The following POLR2C variants were observed in gnomAD, a reference collection of about 807,000 sequenced individuals.
POLR2C encodes the protein RNA polymerase II subunit C.
A neutral mutation model predicts 41.7 loss-of-function variants in POLR2C; 36 were observed. That is an observed-to-expected ratio of 0.86 (90% CI 0.66 to 1.14). The LOEUF (loss-of-function observed/expected upper bound fraction) is 1.14. POLR2C is among the 50% of genes most tolerant of loss of function. The pLI, the probability that POLR2C is intolerant of heterozygous loss-of-function variation, is 0.00. For missense variants in POLR2C, 260 were observed against 350.4 expected (o/e 0.74, Z 2.06); for synonymous variants, 133 against 137.8 (o/e 0.96, Z 0.25).
intron 1 of POLR2C, 82 bp from the exon 2 acceptor site, chr16:57,462,947 C>T (rs1345801882): frequency 7.8e-7 from 1 of 1,274,720 alleles, no homozygotes; most frequent in African/African-American, 2.0e-5. Flanking sequence ...TGCACCAGGG[C>T]TTTAGCTTTG....
At chr16:57,465,408 C>T (rs933734095) in intron 2 of POLR2C, among the ~76,000 whole-genome samples, 9 of 152,218 alleles carry the variant, frequency 5.9e-5, no homozygotes, top group South Asian at 2.1e-4. Context: ...TACCCTCCTA[C>T]GAGCTCATTG....
At position 57,469,968 on chromosome 16, in the gene POLR2C, C is replaced by G; in HGVS notation, c.447C>G (p.Leu149=). 7 of 1,613,548 alleles carry G rather than the reference C, an allele frequency of 4.3e-6. No homozygotes were observed. The highest frequency in any genetic ancestry group is 5.9e-6 in the Non-Finnish European group (7 of 1,179,800). ...TTGTGCCTCTCCCTGCAGACATCCT[C>G]ATCGTCAAGTTGAGAAAGGGCCAGG... The part of the protein sequence containing the change: ...PNDYVEQDDI[L]IVKLRKGQEL... Residue 149 remains leucine (L), a synonymous_variant, in exon 7 of 9, where the codon CTC becomes CTG. Coordinates refer to ENST00000219252, the MANE Select transcript of POLR2C (RefSeq NM_032940.3). This position sits in a 1 kb window ranked among gnomAD's most constrained non-coding sequence, Gnocchi z 5.8.
At chr16:57,468,493 C>T (rs2030758504) in intron 4 of POLR2C, among the ~76,000 whole-genome samples, 1 of 152,174 alleles carries the variant, frequency 6.6e-6, no homozygotes, top group African/African-American at 2.4e-5. Context: ...GAACAGCTTG[C>T]TTGATTGCAT....
In POLR2C at chr16:57,469,498, G is replaced by A. The variant is rs2030778272; in HGVS notation, c.387+205G>A. 1.4e-6 allele frequency: 1 copy of A among 726,102 alleles called. No individual in the cohort carries two copies. The highest frequency in any genetic ancestry group is 2.4e-6 in the Non-Finnish European group (1 of 417,360). The allele number at this position is 726,102 out of a possible 1,614,324, so 45.0% of individuals were successfully genotyped here. ...GTGCTGCGCACCCTCTATCACCCAG[G>A]GACTCTTTTAAAGGCCATGGAATTG... On this transcript the variant is annotated intron_variant, in intron 5 of 8. Transcript: ENST00000219252. The surrounding 1 kb of genome is among the most constrained non-coding windows in gnomAD (Gnocchi z 5.8).
chr16:57,471,321 G>A lies in POLR2C; in HGVS notation c.*202G>A. 1 of 557,958 alleles carries A rather than the reference G, an allele frequency of 1.8e-6. No individual in the cohort carries two copies. Among genetic ancestry groups the A allele is most frequent in the Non-Finnish European group, 3.2e-6 (1 of 313,088 alleles). 34.6% of individuals were successfully genotyped at this position (557,958 alleles called of 1,614,324 possible). A position where few individuals can be genotyped will look rare whatever the true frequency, so the allele number is the denominator to read the frequency against. On this transcript the variant is annotated 3_prime_UTR_variant, in exon 9 of 9. Coordinates refer to ENST00000219252, the MANE Select transcript of POLR2C (RefSeq NM_032940.3). ...GTTTAGGCAGGATAGGTCTTTACTG[G>A]CCCTGACTGCTGTTAATAATTGGCA...
At chr16:57,465,416 T>C (rs1296432219) in intron 2 of POLR2C, among the ~76,000 whole-genome samples, 1 of 152,240 alleles carries the variant, frequency 6.6e-6, no homozygotes, top group African/African-American at 2.4e-5. Context: ...TACGAGCTCA[T>C]TGCTGCTAGG....
chr16:57,462,886 G>A, intron 1 of POLR2C, 76 bp downstream of exon 1: 2 of 1,253,122 alleles, frequency 1.6e-6, no homozygotes, highest in Admixed American at 4.0e-5. Context: ...GGCAGGGGGC[G>A]GGGGTGTAGT....
rs1399999873 is a variant in POLR2C, at chr16:57,471,801, C to T, written c.*682C>T. On this transcript the variant is annotated 3_prime_UTR_variant, in exon 9 of 9. Coordinates refer to ENST00000219252, the MANE Select transcript of POLR2C (RefSeq NM_032940.3). ...GGAGCAAGGGCCCCTCCCACATACA[C>T]AGGAGGAGTATTTCATTTCTCCTTA... is the stretch of plus-strand genomic sequence containing the variant. 6.6e-6 allele frequency: 1 copy of T among 152,172 alleles called. No homozygotes were observed. The highest frequency in any genetic ancestry group is 1.9e-4 in the East Asian group (1 of 5,196). 9.4% of individuals were successfully genotyped at this position (152,172 alleles called of 1,614,324 possible). A position where few individuals can be genotyped will look rare whatever the true frequency, so the allele number is the denominator to read the frequency against.
At chr16:57,463,953 T>C (rs529007544) in intron 2 of POLR2C, 1 of 164,978 alleles carries the variant, frequency 6.1e-6, no homozygotes, top group African/African-American at 2.4e-5. Flanking sequence ...CAAAAGAAAA[T>C]AAAAAAGAAG....
In POLR2C at chr16:57,469,370, G is replaced by A; in HGVS notation, c.387+77G>A. 1 of 1,506,884 alleles carries A rather than the reference G, an allele frequency of 6.6e-7. No individual in the cohort carries two copies. Among genetic ancestry groups the A allele is most frequent in the Non-Finnish European group, 9.2e-7 (1 of 1,083,536 alleles). 93.3% of individuals were successfully genotyped at this position (1,506,884 alleles called of 1,614,324 possible). ...CTGGCTCCAAGTGGGCCAGACTGGG[G>A]TTGATCCTTAGAAAATGTTGGCTTT... On this transcript the variant is annotated intron_variant, in intron 5 of 8. Transcript: ENST00000219252. This position sits in a 1 kb window ranked among gnomAD's most constrained non-coding sequence, Gnocchi z 5.8.
In POLR2C at chr16:57,466,084, C is replaced by T. The variant is rs1415695462; in HGVS notation, c.205+63C>T. On this transcript the variant is annotated intron_variant, in intron 3 of 8. Transcript: ENST00000219252. ...ATTGTGCCTAGTGTCAGGAGGGGGC[C>T]TCCTTCCAGCCTCACCCCCAGAAGG... 7 of 1,419,588 alleles carry T rather than the reference C, an allele frequency of 4.9e-6. No individual in the cohort carries two copies. In the South Asian group the frequency reaches 8.0e-5, roughly 16 times the overall value. The allele number at this position is 1,419,588 out of a possible 1,614,324, so 87.9% of individuals were successfully genotyped here.
intron 2 of POLR2C, among the ~76,000 whole-genome samples, chr16:57,464,439 A>G (rs1194989800): frequency 4.6e-5 from 7 of 152,180 alleles, no homozygotes; most frequent in Admixed American, 3.3e-4. Flanking sequence ...GGGAAGATCA[A>G]TTTCTGGTCT....
In POLR2C at chr16:57,469,856, A is replaced by G. The variant is rs1398496828; in HGVS notation, c.439+95A>G. On this transcript the variant is annotated intron_variant, in intron 6 of 8. Coordinates refer to ENST00000219252, the MANE Select transcript of POLR2C (RefSeq NM_032940.3). This position sits in a 1 kb window ranked among gnomAD's most constrained non-coding sequence, Gnocchi z 5.8. ...CCTGGTCTCCTCGAAAATTGGCTTT[A>G]GACCGTTTTTCCAGATGTGTGTGGT... The G allele has an allele frequency of 3.8e-6, 6 of 1,582,258 alleles. No individual in the cohort carries two copies. The highest frequency in any genetic ancestry group is 1.7e-4 in the Middle Eastern group (1 of 6,020).
Position 57,469,857 on chromosome 16 carries a change from G to T in POLR2C, c.439+96G>T. 1 of 1,578,576 alleles carries T rather than the reference G, an allele frequency of 6.3e-7. No homozygotes were observed. Among genetic ancestry groups the T allele is most frequent in the South Asian group, 1.1e-5 (1 of 90,294 alleles). ...CTGGTCTCCTCGAAAATTGGCTTTA[G>T]ACCGTTTTTCCAGATGTGTGTGGTC... On this transcript the variant is annotated intron_variant, in intron 6 of 8. Transcript: ENST00000219252. This position sits in a 1 kb window ranked among gnomAD's most constrained non-coding sequence, Gnocchi z 5.8.
rs2030864653 is a variant in POLR2C, at chr16:57,471,966, T to C, written c.*847T>C. The C allele has an allele frequency of 6.5e-6, 1 of 152,722 alleles. No individual in the cohort carries two copies. The highest frequency in any genetic ancestry group is 1.5e-5 in the Non-Finnish European group (1 of 68,038). 9.5% of individuals were successfully genotyped at this position (152,722 alleles called of 1,614,324 possible). A position where few individuals can be genotyped will look rare whatever the true frequency, so the allele number is the denominator to read the frequency against. ...TTATTGATTAACAGAAGTTGTCTTT[T>C]TAAAAGTGTTTATTTTTGGCAATAA... On this transcript the variant is annotated 3_prime_UTR_variant, in exon 9 of 9. Transcript: ENST00000219252.
intron 2 of POLR2C, chr16:57,463,477 T>A: frequency 2.8e-6 from 1 of 360,952 alleles, no homozygotes; most frequent in Non-Finnish European, 5.4e-6. Context: ...GTATAAATGA[T>A]CCTTTCACCC....
In POLR2C at chr16:57,469,119, GT is replaced by G; in HGVS notation, c.259-44del. On this transcript the variant is annotated intron_variant, in intron 4 of 8. Transcript: ENST00000219252. The surrounding 1 kb of genome is among the most constrained non-coding windows in gnomAD (Gnocchi z 5.8). ...GCCAAGACAAGGAGCCAAGGCAGGA[GT>G]TGCCATCTCCCTTTGACTCATTCCT... 1 of 1,591,424 alleles carries G rather than the reference GT, an allele frequency of 6.3e-7. No individual in the cohort carries two copies. The highest frequency in any genetic ancestry group is 1.9e-4 in the Middle Eastern group (1 of 5,190).
intron 4 of POLR2C, 145 bp downstream of exon 4, chr16:57,466,372 G>A: frequency 3.0e-6 from 2 of 677,568 alleles, no homozygotes; most frequent in Non-Finnish European, 5.2e-6. Context: ...AGCCTGGGCA[G>A]GCCTTGGTCC....
In POLR2C at chr16:57,471,026, C is replaced by T; in HGVS notation, c.735C>T (p.Val245=). 4 of 1,613,644 alleles carry T rather than the reference C, an allele frequency of 2.5e-6. No individual in the cohort carries two copies. Among genetic ancestry groups the T allele is most frequent in the Admixed American group, 1.7e-5 (1 of 60,034 alleles). Residue 245 remains valine, a synonymous_variant, in exon 9 of 9, where the codon GTC becomes GTT. Transcript: ENST00000219252. Reference sequence around the variant, plus strand: ...GCTCTCTGCGTCCTGAAACCATTGTCCTGTCAGCCCTCTCAGGATTGAAGA... The same window carrying T: ...GCTCTCTGCGTCCTGAAACCATTGTTCTGTCAGCCCTCTCAGGATTGAAGA... The part of the protein sequence containing the change: ...SCGSLRPETI[V]LSALSGLKKK...
Sources: allele counts gnomAD v4.1 joint callset (sites outside exome capture counted in the v4.1 genomes callset), GRCh38; gene constraint gnomAD v4.1.1; non-coding constraint Gnocchi (gnomAD v3.1); transcripts MANE v1.5; gene names NCBI Gene and HGNC (gene_info 2026-07-23, HGNC 2026-07-21).